GATAD2B: variants seen among roughly 807,000 people sequenced by gnomAD.
GATAD2B encodes GATA zinc finger domain containing 2B, also known as transcriptional repressor p66-beta.
A neutral mutation model predicts 64.3 loss-of-function variants in GATAD2B; 8 were observed. That is an observed-to-expected ratio of 0.12 (90% confidence interval 0.07 to 0.22). GATAD2B has a LOEUF of 0.22. GATAD2B is among the 10% of genes least tolerant of loss of function. The pLI, the probability that GATAD2B is intolerant of heterozygous loss-of-function variation, is 1.00. For synonymous variants in GATAD2B, 281 were observed against 271.3 expected (o/e 1.04, Z -0.35); for missense variants, 453 against 752.0 (o/e 0.60, Z 4.65).
chr1:153,868,982 T>C (rs1676570637), intron 1 of GATAD2B, among the ~76,000 whole-genome samples: 2 of 152,136 alleles, frequency 1.3e-5, no homozygotes, highest in African/African-American at 2.4e-5. Context: ...AAATTCCACA[T>C]ATTAATTTTA....
At chr1:153,822,578 T>C (rs979407040) in intron 2 of GATAD2B, among the ~76,000 whole-genome samples, 1 of 152,162 alleles carries the variant, frequency 6.6e-6, no homozygotes, top group Non-Finnish European at 1.5e-5. Flanking sequence ...AATGGTGCAA[T>C]CTCGGCGCAC....
chr1:153,852,665 C>T, intron 1 of GATAD2B: 2 of 887,318 alleles, frequency 2.3e-6, no homozygotes, highest in East Asian at 2.4e-5. Context: ...GAGAAATGGT[C>T]TCTTGGCTTT....
chr1:153,915,773 C>A (rs898304861), intron 1 of GATAD2B, among the ~76,000 whole-genome samples: 2 of 148,908 alleles, frequency 1.3e-5, no homozygotes, highest in Non-Finnish European at 1.5e-5. Context: ...AAAAGAAAAA[C>A]CACTGTATTT....
chr1:153,905,851 G>A (rs1480382841), intron 1 of GATAD2B, among the ~76,000 whole-genome samples: 2 of 151,304 alleles, frequency 1.3e-5, no homozygotes, highest in African/African-American at 4.8e-5. Context: ...CAGATCACCT[G>A]AGGTCAAGAG....
intron 1 of GATAD2B, among the ~76,000 whole-genome samples, chr1:153,866,545 G>A (rs1181502932): frequency 6.6e-6 from 1 of 152,174 alleles, no homozygotes; most frequent in African/African-American, 2.4e-5. Flanking sequence ...CCAGATGGCT[G>A]AGCTCGTTCC....
intron 1 of GATAD2B, among the ~76,000 whole-genome samples, chr1:153,857,339 G>A (rs942625148): frequency 9.2e-5 from 14 of 151,782 alleles, no homozygotes; most frequent in African/African-American, 1.2e-4. Flanking sequence ...CCAGCTACTC[G>A]GGAGGCTGAG....
intron 1 of GATAD2B, among the ~76,000 whole-genome samples, chr1:153,921,123 C>T (rs1426022643): frequency 6.6e-6 from 1 of 152,136 alleles, no homozygotes; most frequent in African/African-American, 2.4e-5. Flanking sequence ...GCTCCAGCAC[C>T]AAAATAAGAA....
rs1674094667 is a variant in GATAD2B, at chr1:153,805,783, A to C, written c.*4394T>G. 1 of 152,210 alleles carries C rather than the reference A, an allele frequency of 6.6e-6. No individual in the cohort carries two copies. The highest frequency in any genetic ancestry group is 1.5e-5 in the Non-Finnish European group (1 of 68,036). 9.4% of individuals were successfully genotyped at this position (152,210 alleles called of 1,614,324 possible). ...TTAACTCTACCAAAGATCATATAGC[A>C]AGTTAGTAGGAGACCCCAGGTCTCC... is the stretch of plus-strand genomic sequence containing the variant. On this transcript the variant is annotated 3_prime_UTR_variant, in exon 11 of 11. Coordinates refer to ENST00000368655, the MANE Select transcript of GATAD2B (RefSeq NM_020699.4).
At position 153,828,148 on chromosome 1, in the gene GATAD2B, T is replaced by C. The variant is rs778879337; in HGVS notation, c.200A>G (p.Gln67Arg). The C allele has an allele frequency of 6.2e-6, 10 of 1,614,200 alleles. No homozygotes were observed. The highest frequency in any genetic ancestry group is 8.5e-6 in the Non-Finnish European group (10 of 1,180,024). The change falls in exon 2 of 11, where the codon CAG becomes CGG. Residue 67 changes from glutamine to arginine, a missense_variant. This residue lies in a region of GATAD2B where 293 missense variants were observed against 417.2 expected (regional missense o/e 0.70). Transcript: ENST00000368655. ...ATAGCCCTTGACACCACTGCCATCC[T>C]GTTTGGTGGGTAACTCATGTGGCAC... ...LEVPHELPTK[Q>R]DGSGVKGYEE...
chr1:153,866,379 C>T (rs1471052857), intron 1 of GATAD2B, among the ~76,000 whole-genome samples: 2 of 152,058 alleles, frequency 1.3e-5, no homozygotes, highest in African/African-American at 4.8e-5. Context: ...CTCAACCAAG[C>T]TTCTGAGATT....
chr1:153,815,303 A>AAAG (rs1674439653), intron 7 of GATAD2B, among the ~76,000 whole-genome samples: 1 of 148,812 alleles, frequency 6.7e-6, no homozygotes, highest in African/African-American at 2.5e-5. Context: ...CAAAAAAAAA[A>AAAG]AAAAGAAAAG....
chr1:153,834,975 T>A (rs903716491), intron 1 of GATAD2B, among the ~76,000 whole-genome samples: 3 of 151,288 alleles, frequency 2.0e-5, no homozygotes, highest in African/African-American at 7.3e-5. Flanking sequence ...AAAAAAAAAA[T>A]TAGTTGGGCA....
At chr1:153,913,306 A>C (rs1678162558) in intron 1 of GATAD2B, among the ~76,000 whole-genome samples, 2 of 152,172 alleles carry the variant, frequency 1.3e-5, no homozygotes, top group Admixed American at 6.5e-5. Context: ...AAAATAATCA[A>C]AGGTATTGTT....
intron 1 of GATAD2B, among the ~76,000 whole-genome samples, chr1:153,836,976 T>C (rs1056331777): frequency 6.6e-6 from 1 of 152,236 alleles, no homozygotes; most frequent in East Asian, 1.9e-4. Context: ...GAGGTAAGTC[T>C]TTCCTAATAG....
At chr1:153,904,224 G>A (rs1454229247) in intron 1 of GATAD2B, among the ~76,000 whole-genome samples, 1 of 151,868 alleles carries the variant, frequency 6.6e-6, no homozygotes, top group African/African-American at 2.4e-5. Flanking sequence ...AGGGTTCAGT[G>A]AGCCAAGATT....
chr1:153,823,404 C>A (rs1311756101), intron 2 of GATAD2B, among the ~76,000 whole-genome samples: 1 of 152,206 alleles, frequency 6.6e-6, no homozygotes, highest in Non-Finnish European at 1.5e-5. Context: ...TTCATACATA[C>A]CTTATTTCAC....
Position 153,823,118 on chromosome 1 carries a change from G to C in GATAD2B, c.336-3383C>G, listed in dbSNP as rs151058978. The stretch of plus-strand genomic sequence containing the variant: ...TAATTTTAAAAAACTAATGAACTAG[G>C]ATTCTGGCCTCATTTGTTAAACATT... On this transcript the variant is annotated intron_variant, in intron 2 of 10. Coordinates refer to ENST00000368655, the MANE Select transcript of GATAD2B (RefSeq NM_020699.4). Among the ~76,000 whole-genome samples the C allele has an allele frequency of 2.3e-3, 357 of 152,212 alleles. 1 individual carries two copies. The highest frequency in any genetic ancestry group is 8.4e-3 in the African/African-American group (347 of 41,542).
chr1:153,846,486 T>C (rs955544406), intron 1 of GATAD2B, among the ~76,000 whole-genome samples: 1 of 151,254 alleles, frequency 6.6e-6, no homozygotes, highest in Non-Finnish European at 1.5e-5. Context: ...GATCCTCCCA[T>C]CTCAGCCTCC....
chr1:153,840,760 A>G lies in GATAD2B; in HGVS notation c.-1-12412T>C, dbSNP rs377089378. 1.4e-3 allele frequency among the ~76,000 whole-genome samples: 218 copies of G among 152,254 alleles called. 3 individuals are homozygous for G. The South Asian group carries it at 0.018, about 12-fold the overall frequency. On this transcript the variant is annotated intron_variant, in intron 1 of 10. Coordinates refer to ENST00000368655, the MANE Select transcript of GATAD2B (RefSeq NM_020699.4). ...TTTTATGTTTCCACTATTTTTTCTG[A>G]TTTGTCTCAAATGGTCACAGAGAAT...
Sources: gnomAD v4.1 joint callset for allele counts (sites outside exome capture counted in the v4.1 genomes callset) on GRCh38, gnomAD v4.1.1 for gene constraint, gnomAD v4.1.1 regional missense constraint, MANE v1.5 for transcripts, NCBI Gene and HGNC (gene_info 2026-07-23, HGNC 2026-07-21) for gene names.